MORC2: variants seen among roughly 807,000 people sequenced by gnomAD.
MORC2 encodes the protein MORC family CW-type zinc finger 2, also known as ATPase MORC2.
In MORC2, 30 loss-of-function variants were observed where a neutral mutation model predicts 136.0. That is an observed-to-expected ratio of 0.22 (90% CI 0.17 to 0.30). MORC2 has a LOEUF of 0.30. Ranked by LOEUF, MORC2 falls within the 10% of genes least tolerant of loss-of-function variation. The probability of loss-of-function intolerance (pLI) is 1.00; values close to 1 mark genes in which losing one functional copy is unlikely to be tolerated. For missense variants in MORC2, 922 were observed against 1,333.1 expected, an observed-to-expected ratio of 0.69 and a Z score of 4.80; for synonymous variants, 439 against 487.0, an observed-to-expected ratio of 0.90 and a Z score of 1.30.
At chr22:30,962,062 G>T (rs1052617136) in intron 1 of MORC2, among the ~76,000 whole-genome samples, 9 of 152,070 alleles carry the variant, frequency 5.9e-5, no homozygotes, top group African/African-American at 1.7e-4. Context: ...GTCAGGCATG[G>T]TGGCGGACAC....
At chr22:30,966,795 T>C (rs2147333408) in intron 1 of MORC2, among the ~76,000 whole-genome samples, 1 of 152,112 alleles carries the variant, frequency 6.6e-6, no homozygotes. Context: ...AATAACAAAC[T>C]TCCTAAAAAA....
At chr22:30,940,896 C>A in intron 9 of MORC2, 59 bp from the exon 10 acceptor site, 1 of 1,426,184 alleles carries the variant, frequency 7.0e-7, no homozygotes, top group South Asian at 1.1e-5. Context: ...GTGGCACACC[C>A]AAGCACAGGA....
intron 25 of MORC2, 121 bp from the exon 26 acceptor site, chr22:30,926,992 GC>G: frequency 1.4e-6 from 1 of 708,898 alleles, no homozygotes. Context: ...CTCCCACCCC[GC>G]CCTGGATGTC....
intron 3 of MORC2, among the ~76,000 whole-genome samples, chr22:30,952,927 T>C (rs1295325733): frequency 6.6e-6 from 1 of 152,174 alleles, no homozygotes; most frequent in Non-Finnish European, 1.5e-5. Flanking sequence ...GAGCAAAATG[T>C]AGTATGGGTA....
Position 30,968,007 on chromosome 22 carries a change from CAGTT to C in MORC2, c.-122_-119del. The C allele has an allele frequency of 1.2e-6, 1 of 857,314 alleles. No homozygotes were observed. Among genetic ancestry groups the C allele is most frequent in the Non-Finnish European group, 1.9e-6 (1 of 533,874 alleles). 53.1% of individuals were successfully genotyped at this position (857,314 alleles called of 1,614,324 possible). A position where few individuals can be genotyped will look rare whatever the true frequency, so the allele number is the denominator to read the frequency against. The stretch of plus-strand genomic sequence containing the variant: ...TCAGTAAGTCTGTGCTCCTTAATGA[CAGTT>C]AAAGTAACCTAGTAGCTATCCAAAA... On this transcript the variant is annotated 5_prime_UTR_variant, in exon 1 of 26. Transcript: ENST00000397641.
At chr22:30,950,339 ACCCC>A in intron 4 of MORC2, 34 bp downstream of exon 4, 1 of 539,978 alleles carries the variant, frequency 1.9e-6, no homozygotes, top group Non-Finnish European at 3.5e-6. Flanking sequence ...GTTACATCGC[ACCCC>A]CCCACCCCCC....
intron 24 of MORC2, among the ~76,000 whole-genome samples, chr22:30,930,645 C>CT: frequency 6.6e-6 from 1 of 152,192 alleles, no homozygotes; most frequent in East Asian, 1.9e-4. Context: ...CTCTGGCAAA[C>CT]TTTATCAAGC....
intron 4 of MORC2, 91 bp from the exon 5 acceptor site, chr22:30,949,933 C>G: frequency 1.7e-6 from 2 of 1,185,286 alleles, no homozygotes; most frequent in Non-Finnish European, 2.5e-6. Flanking sequence ...TAAATCCAAG[C>G]AGGGGTGTGT....
intron 1 of MORC2, among the ~76,000 whole-genome samples, chr22:30,966,153 C>T (rs2240183): frequency 0.4 from 60,266 of 152,028 alleles, 13,008 homozygotes; most frequent in East Asian, 0.66. Flanking sequence ...CTATTATTAT[C>T]CCATAAAGTC....
intron 4 of MORC2, 38 bp downstream of exon 4, chr22:30,950,339 A>ACACCCCCCC (rs2040869758): frequency 5.5e-6 from 3 of 541,318 alleles, no homozygotes; most frequent in Admixed American, 2.9e-5. Context: ...GTTACATCGC[A>ACACCCCCCC]CCCCCCCACC....
At chr22:30,936,824 T>G in intron 16 of MORC2, 108 bp downstream of exon 16, 1 of 1,308,322 alleles carries the variant, frequency 7.6e-7, no homozygotes. Context: ...GGGCAGTTAT[T>G]AGGTGTGGCA....
intron 3 of MORC2, among the ~76,000 whole-genome samples, chr22:30,952,504 C>CT (rs1447430388): frequency 1.3e-5 from 2 of 152,184 alleles, no homozygotes; most frequent in African/African-American, 4.8e-5. Flanking sequence ...CATTTCAAAG[C>CT]TTTTTCGTGT....
chr22:30,934,991 C>T lies in MORC2; in HGVS notation c.1983G>A (p.Glu661=). The part of the protein sequence containing the change: ...PKLPALAARE[E]ASTSRLLQPP... ...GCTGGAGCAGCCTAGATGTGCTGGC[C>T]TCCTCCCGGGCTGCCAAAGCAGGGA... The change falls in exon 19 of 26, where the codon GAG becomes GAA. Residue 661 remains glutamate, a synonymous_variant. Transcript: ENST00000397641. The surrounding 1 kb of genome is among the most constrained non-coding windows in gnomAD (Gnocchi z 4.4). The T allele has an allele frequency of 6.2e-7, 1 of 1,614,078 alleles. No homozygotes were observed. The highest frequency in any genetic ancestry group is 8.5e-7 in the Non-Finnish European group (1 of 1,180,030).
rs948072265 is a variant in MORC2 at position 30,936,418 on chromosome 22, G to C, written c.1737+93C>G. ...ACGCGGGTGAGTGGAGGGTAAAACT[G>C]AGCCTGAGGGAACAGGAAAGCTACT... On this transcript the variant is annotated intron_variant, in intron 17 of 25. Transcript: ENST00000397641. The C allele has an allele frequency of 1.0e-5, 16 of 1,538,374 alleles. No homozygotes were observed. The South Asian group carries it at 2.0e-4, about 19-fold the overall frequency.
chr22:30,935,283 A>G lies in MORC2; in HGVS notation c.1777T>C (p.Leu593=), dbSNP rs750584561. The change falls in exon 18 of 26, where the codon TTG becomes CTG. Residue 593 remains leucine (L), a synonymous_variant. Coordinates refer to ENST00000397641, the MANE Select transcript of MORC2 (RefSeq NM_001303256.3). ...PIRSQADLKK[L]PLEVTTRPST... ...GGTCTGGTGGTCACTTCCAAGGGCA[A>G]TTTCTTCAGGTCTGCTTGGGAGCGG... 8.7e-6 allele frequency: 14 copies of G among 1,613,860 alleles called. No individual in the cohort carries two copies. Among genetic ancestry groups the G allele is most frequent in the East Asian group, 2.2e-5 (1 of 44,882 alleles).
chr22:30,933,958 T>C (rs1168706014), intron 20 of MORC2, 102 bp downstream of exon 20: 4 of 1,447,626 alleles, frequency 2.8e-6, no homozygotes, highest in African/African-American at 1.4e-5. Flanking sequence ...TTGTGTAGAC[T>C]GCTGGTGGAT....
chr22:30,936,654 A>C lies in MORC2; in HGVS notation c.1605-11T>G. ...TCAGAAGCCTCACACCTGTAGAGAC[A>C]AGGTACTACAGAGGTCGTGGCAAAC... On this transcript the variant is annotated splice_polypyrimidine_tract_variant and intron_variant, in intron 16 of 25. Transcript: ENST00000397641. 6.2e-7 allele frequency: 1 copy of C among 1,613,372 alleles called. No homozygotes were observed. Among genetic ancestry groups the C allele is most frequent in the Non-Finnish European group, 8.5e-7 (1 of 1,179,894 alleles).
At chr22:30,945,794 A>G (rs1448043735) in intron 6 of MORC2, among the ~76,000 whole-genome samples, 2 of 152,158 alleles carry the variant, frequency 1.3e-5, no homozygotes, top group African/African-American at 4.8e-5. Flanking sequence ...CCAAGACGAG[A>G]CCCACAGCAT....
At chr22:30,936,310 G>A (rs559189209) in intron 17 of MORC2, among the ~76,000 whole-genome samples, 2 of 152,280 alleles carry the variant, frequency 1.3e-5, no homozygotes, top group South Asian at 4.1e-4. Flanking sequence ...TTAAGAATAA[G>A]CAAGGTGTTA....
Sources: gnomAD v4.1 joint callset for allele counts (sites outside exome capture counted in the v4.1 genomes callset) on GRCh38, gnomAD v4.1.1 for gene constraint, Gnocchi (gnomAD v3.1) non-coding constraint, MANE v1.5 for transcripts, NCBI Gene and HGNC (gene_info 2026-07-23, HGNC 2026-07-21) for gene names.